The following EFEMP1 variants were observed in gnomAD, a reference collection of about 807,000 sequenced individuals.
EFEMP1 encodes the protein EGF-like fibulin extracellular matrix protein 1, also known as EGF-containing fibulin-like extracellular matrix protein 1.
EFEMP1 carries 18 observed loss-of-function variants against 65.7 expected under a neutral mutation model. The observed-to-expected ratio is 0.27, with a 90% confidence interval of 0.19 to 0.41. EFEMP1 has a LOEUF of 0.41. EFEMP1 is among the 10% of genes least tolerant of loss of function. The pLI is 1.00. For missense variants in EFEMP1, 469 were observed against 624.8 expected, an observed-to-expected ratio of 0.75 and a Z score of 2.66; for synonymous variants, 237 against 219.7, an observed-to-expected ratio of 1.08 and a Z score of -0.70.
At chr2:55,920,653 T>G (rs1451260144) in intron 3 of EFEMP1, among the ~76,000 whole-genome samples, 1 of 152,212 alleles carries the variant, frequency 6.6e-6, no homozygotes, top group Non-Finnish European at 1.5e-5. Flanking sequence ...TTCTAGACAT[T>G]TAATGTCAGT....
Position 55,870,570 on chromosome 2 carries a change from G to C in EFEMP1, c.1320+150C>G, listed in dbSNP as rs1297190906. 3.6e-6 allele frequency: 3 copies of C among 834,500 alleles called. No individual in the cohort carries two copies. The highest frequency in any genetic ancestry group is 3.9e-6 in the Non-Finnish European group (2 of 510,686). The allele number at this position is 834,500 out of a possible 1,614,324, so 51.7% of individuals were successfully genotyped here. A position where few individuals can be genotyped will look rare whatever the true frequency, so the allele number is the denominator to read the frequency against. On this transcript the variant is annotated intron_variant, in intron 11 of 11. Coordinates refer to ENST00000355426, the MANE Select transcript of EFEMP1 (RefSeq NM_001039348.3). This position sits in a 1 kb window ranked among gnomAD's most constrained non-coding sequence, Gnocchi z 5.8. ...CAAGAGGAATAAATGAAATAATGTA[G>C]CTGGAAGGCCTTACACAATGCCTAC... is the stretch of plus-strand genomic sequence containing the variant.
At chr2:55,889,670 A>G (rs1425313661) in intron 5 of EFEMP1, among the ~76,000 whole-genome samples, 16 of 152,192 alleles carry the variant, frequency 1.1e-4, no homozygotes, top group Admixed American at 1.0e-3. Context: ...TGAGAATAAT[A>G]GCATATATAG....
In EFEMP1 at chr2:55,922,649, A is replaced by T. The variant is rs192452768; in HGVS notation, c.-7-202T>A. On this transcript the variant is annotated intron_variant, in intron 2 of 11. Transcript: ENST00000355426. The surrounding 1 kb of genome is among the most constrained non-coding windows in gnomAD (Gnocchi z 5.5). ...ACGAACGAGGCAGCAAAGACGTAAA[A>T]ACTGCTGTAGAATTGCATTTCACGT... 2.3e-3 allele frequency: 1,331 copies of T among 583,916 alleles called. 2 individuals are homozygous for T. The highest frequency in any genetic ancestry group is 2.6e-3 in the Non-Finnish European group (874 of 331,028). 36.2% of individuals were successfully genotyped at this position (583,916 alleles called of 1,614,324 possible).
chr2:55,867,358 CT>C lies in EFEMP1; in HGVS notation c.1321-125del, dbSNP rs1668617434. ...TTTTGAAGGTGGTATAAAAGAGCCA[CT>C]ACTTGGTCCCTTCTTGGTTTCAACT... On this transcript the variant is annotated intron_variant, in intron 11 of 11. Coordinates refer to ENST00000355426, the MANE Select transcript of EFEMP1 (RefSeq NM_001039348.3). The surrounding 1 kb of genome is among the most constrained non-coding windows in gnomAD (Gnocchi z 4.3). 1 of 1,026,526 alleles carries C rather than the reference CT, an allele frequency of 9.7e-7. No homozygotes were observed. The highest frequency in any genetic ancestry group is 1.4e-6 in the Non-Finnish European group (1 of 706,736). The allele number at this position is 1,026,526 out of a possible 1,614,324, so 63.6% of individuals were successfully genotyped here.
At chr2:55,897,377 C>T (rs1669867868) in intron 5 of EFEMP1, among the ~76,000 whole-genome samples, 1 of 113,058 alleles carries the variant, frequency 8.8e-6, no homozygotes, top group South Asian at 3.2e-4. Flanking sequence ...CTTATTCTTC[C>T]TAAATCTGAT....
Position 55,918,022 on chromosome 2 carries a change from C to T in EFEMP1, c.160G>A (p.Ala54Thr). The T allele has an allele frequency of 5.0e-6, 8 of 1,614,192 alleles. No individual in the cohort carries two copies. The highest frequency in any genetic ancestry group is 2.2e-5 in the South Asian group (2 of 91,082). The change falls in exon 5 of 12, where the codon GCT becomes ACT. Residue 54 changes from alanine to threonine, a missense_variant. Ala to Thr is a moderately conservative substitution (Grantham distance 58). Coordinates refer to ENST00000355426, the MANE Select transcript of EFEMP1 (RefSeq NM_001039348.3). ...ACACACTTCATTCCACCTTTACAAGCGTCTGGGACAATGTCACATTCATCA... is the reference window on the plus strand; with the variant it reads ...ACACACTTCATTCCACCTTTACAAGTGTCTGGGACAATGTCACATTCATCA... ...DIDECDIVPD[A>T]CKGGMKCVNH...
chr2:55,922,423 G>A lies in EFEMP1; in HGVS notation c.18C>T (p.Phe6=), dbSNP rs182486751. The change falls in exon 3 of 12, where the codon TTC becomes TTT. Residue 6 remains phenylalanine, a synonymous_variant. Coordinates refer to ENST00000355426, the MANE Select transcript of EFEMP1 (RefSeq NM_001039348.3). The surrounding 1 kb of genome is among the most constrained non-coding windows in gnomAD (Gnocchi z 5.5). ...CCAGCGCCAGAGTCAGCATAGTTAG[G>A]AAAAGGGCTTTCAACATTGTGAATC... MLKAL[F]LTMLTLALVK... is the part of the protein sequence containing the mutation. The A allele has an allele frequency of 9.4e-5, 152 of 1,613,846 alleles. No homozygotes were observed. Among genetic ancestry groups the A allele is most frequent in the Non-Finnish European group, 1.2e-4 (136 of 1,179,816 alleles).
intron 5 of EFEMP1, among the ~76,000 whole-genome samples, chr2:55,898,281 CAAT>C (rs1238043749): frequency 6.6e-6 from 1 of 151,994 alleles, no homozygotes; most frequent in African/African-American, 2.4e-5. Flanking sequence ...ATATATTGCT[CAAT>C]AATATTAGAA....
intron 5 of EFEMP1, among the ~76,000 whole-genome samples, chr2:55,890,596 A>C (rs1458436937): frequency 6.6e-6 from 1 of 152,130 alleles, no homozygotes; most frequent in Non-Finnish European, 1.5e-5. Context: ...CAATATACAG[A>C]TTATGTTCTC....
rs367964458 is a variant in EFEMP1, at chr2:55,890,864, C to T, written c.518-9130G>A. Among the ~76,000 whole-genome samples the T allele has an allele frequency of 3.4e-4, 51 of 152,142 alleles. No homozygotes were observed. The East Asian group carries it at 4.6e-3, about 14-fold the overall frequency. On this transcript the variant is annotated intron_variant, in intron 5 of 11. Transcript: ENST00000355426. ...TATCTTTTTCTTTGTACTCAATTTA[C>T]AAGAGAAGAAAACATAGATGAGATC...
chr2:55,870,748 C>T lies in EFEMP1; in HGVS notation c.1292G>A (p.Gly431Glu). Residue 431 changes from glycine to glutamate, a missense_variant, in exon 11 of 12, where the codon GGA becomes GAA. Around this residue, in one of 3 missense-constraint regions of EFEMP1, gnomAD observed 399 missense variants for 528.2 expected, o/e 0.76. Transcript: ENST00000355426. This position sits in a 1 kb window ranked among gnomAD's most constrained non-coding sequence, Gnocchi z 5.8. ...TAGGTAGAACTCTCCATTTTCATTTCCAGATTTAATCCGAAAAGTATTGAT... is the reference window on the plus strand; with the variant it reads ...TAGGTAGAACTCTCCATTTTCATTTTCAGATTTAATCCGAAAAGTATTGAT... Reference protein sequence around the residue: ...NTINTFRIKSGNENGEFYLRQ... With the variant: ...NTINTFRIKSENENGEFYLRQ... The T allele has an allele frequency of 6.2e-7, 1 of 1,613,702 alleles. No homozygotes were observed. The highest frequency in any genetic ancestry group is 8.5e-7 in the Non-Finnish European group (1 of 1,179,710).
At chr2:55,880,447 C>A (rs890757712) in intron 6 of EFEMP1, among the ~76,000 whole-genome samples, 1 of 152,206 alleles carries the variant, frequency 6.6e-6, no homozygotes, top group Non-Finnish European at 1.5e-5. Context: ...GTTTTCTACA[C>A]ACTCTTCTTT....
intron 5 of EFEMP1, among the ~76,000 whole-genome samples, chr2:55,915,888 A>ATC (rs1306565893): frequency 2.0e-5 from 3 of 152,074 alleles, no homozygotes; most frequent in African/African-American, 7.2e-5. Flanking sequence ...CCTTGACATA[A>ATC]TCCTTAAATT....
chr2:55,922,862 G>C lies in EFEMP1; in HGVS notation c.-8+37C>G. 8.7e-7 allele frequency: 1 copy of C among 1,154,816 alleles called. No homozygotes were observed. Among genetic ancestry groups the C allele is most frequent in the South Asian group, 1.9e-5 (1 of 53,118 alleles). 71.5% of individuals were successfully genotyped at this position (1,154,816 alleles called of 1,614,324 possible). The stretch of plus-strand genomic sequence containing the variant: ...GATGGAGGTGGGGCTGCAAAACTCT[G>C]TTCTCTAGAACGTTAAGGCTTTCCC... On this transcript the variant is annotated intron_variant, in intron 2 of 11. Transcript: ENST00000355426. This position sits in a 1 kb window ranked among gnomAD's most constrained non-coding sequence, Gnocchi z 5.5.
intron 8 of EFEMP1, among the ~76,000 whole-genome samples, chr2:55,875,615 G>C (rs1276958621): frequency 6.6e-6 from 1 of 152,018 alleles, no homozygotes; most frequent in East Asian, 1.9e-4. Context: ...CTACACTACT[G>C]AATGAATTGG....
chr2:55,903,269 T>A (rs1670113125), intron 5 of EFEMP1, among the ~76,000 whole-genome samples: 1 of 152,222 alleles, frequency 6.6e-6, no homozygotes, highest in Admixed American at 6.5e-5. Context: ...GCTATAGCTG[T>A]TACAATGTAA....
At chr2:55,914,486 G>T (rs1027764717) in intron 5 of EFEMP1, among the ~76,000 whole-genome samples, 1 of 152,096 alleles carries the variant, frequency 6.6e-6, no homozygotes, top group Non-Finnish European at 1.5e-5. Flanking sequence ...TTATAAAATA[G>T]TGTACATTTA....
Position 55,867,262 on chromosome 2 carries a change from A to C in EFEMP1, c.1321-28T>G, listed in dbSNP as rs960650482. 2 of 1,610,300 alleles carry C rather than the reference A, an allele frequency of 1.2e-6. No homozygotes were observed. The highest frequency in any genetic ancestry group is 3.3e-5 in the Admixed American group (2 of 59,724). ...AAAATAAAAGAAAATAGAGAAAGGA[A>C]GAGAATAATTTTCTTGGATTGGAGT... On this transcript the variant is annotated intron_variant, in intron 11 of 11. Transcript: ENST00000355426. The surrounding 1 kb of genome is among the most constrained non-coding windows in gnomAD (Gnocchi z 4.3).
At chr2:55,918,498 TG>T (rs1458786114) in intron 3 of EFEMP1, among the ~76,000 whole-genome samples, 1 of 152,116 alleles carries the variant, frequency 6.6e-6, no homozygotes, top group African/African-American at 2.4e-5. Context: ...TAAACTCTTC[TG>T]TTCTTTTTGG....
Sources: allele counts gnomAD v4.1 joint callset (sites outside exome capture counted in the v4.1 genomes callset), GRCh38; gene constraint gnomAD v4.1.1; regional missense constraint gnomAD v4.1.1; non-coding constraint Gnocchi (gnomAD v3.1); transcripts MANE v1.5; gene names NCBI Gene and HGNC (gene_info 2026-07-23, HGNC 2026-07-21).